CACNA1C: variants seen among roughly 807,000 people sequenced by gnomAD.
CACNA1C encodes the protein calcium voltage-gated channel subunit alpha1 C.
A neutral mutation model predicts 229.0 loss-of-function variants in CACNA1C; 30 were observed. The ratio of observed to expected loss-of-function variants is 0.13; its 90% CI spans 0.10 to 0.18. The LOEUF (loss-of-function observed/expected upper bound fraction) is 0.18. Among genes scored for constraint, CACNA1C ranks in the 10% least tolerant of loss-of-function variants. The pLI, the probability that CACNA1C is intolerant of heterozygous loss-of-function variation, is 1.00. For synonymous variants in CACNA1C, 1,114 were observed against 1,132.5 expected (o/e 0.98, Z 0.33); for missense variants, 1,658 against 2,845.0 (o/e 0.58, Z 9.49).
intron 3 of CACNA1C, among the ~76,000 whole-genome samples, chr12:2,442,586 C>T (rs772270558): frequency 4.6e-5 from 7 of 152,180 alleles, no homozygotes; most frequent in African/African-American, 7.2e-5. Flanking sequence ...GAATCCCTTC[C>T]AGCCTGTATT....
At chr12:2,528,843 A>C (rs536821217) in intron 9 of CACNA1C, among the ~76,000 whole-genome samples, 30 of 152,304 alleles carry the variant, frequency 2.0e-4, no homozygotes, top group African/African-American at 7.2e-4. Flanking sequence ...CTGGGATTCA[A>C]GTTCACAAAA....
At chr12:2,574,956 G>A (rs2057847793) in intron 13 of CACNA1C, among the ~76,000 whole-genome samples, 1 of 152,186 alleles carries the variant, frequency 6.6e-6, no homozygotes, top group African/African-American at 2.4e-5. Context: ...TGCAGGTGAG[G>A]ATGACTCCCT....
intron 3 of CACNA1C, among the ~76,000 whole-genome samples, chr12:2,173,229 G>T (rs1313766293): frequency 6.6e-6 from 1 of 152,208 alleles, no homozygotes; most frequent in Non-Finnish European, 1.5e-5. Flanking sequence ...TTAGGAAAGG[G>T]TTGTGGGTCA....
At chr12:2,375,199 A>G (rs1033944739) in intron 3 of CACNA1C, among the ~76,000 whole-genome samples, 1 of 152,162 alleles carries the variant, frequency 6.6e-6, no homozygotes, top group Non-Finnish European at 1.5e-5. Context: ...GCATGTGCTG[A>G]GCGGCTGCCA....
chr12:2,565,456 A>G (rs1246464070), intron 11 of CACNA1C, among the ~76,000 whole-genome samples: 1 of 144,022 alleles, frequency 6.9e-6, no homozygotes, highest in Admixed American at 7.0e-5. Flanking sequence ...CCTGGGCGAC[A>G]GAGCGAGACT....
chr12:2,442,410 G>A (rs2099237772), intron 3 of CACNA1C, among the ~76,000 whole-genome samples: 1 of 152,120 alleles, frequency 6.6e-6, no homozygotes. Flanking sequence ...GGAAGAAAGG[G>A]AGAAGAAGAT....
Position 2,046,753 on chromosome 12 carries a change from C to T in CACNA1C, c.140-68471C>T, listed in dbSNP as rs953872965. Among the ~76,000 whole-genome samples, 13 of 152,188 alleles carry T rather than the reference C, an allele frequency of 8.5e-5. No homozygotes were observed. In the East Asian group the frequency reaches 1.4e-3, roughly 16 times the overall value. On this transcript the variant is annotated intron_variant, in intron 1 of 46. Coordinates refer to the CACNA1C transcript ENST00000682462. Reference sequence around the variant, plus strand: ...TACTCTGGCTTCCCCTTGGGACGGACGCTGGGGCTGAGCTGCCAGGAGAGT... The same window carrying T: ...TACTCTGGCTTCCCCTTGGGACGGATGCTGGGGCTGAGCTGCCAGGAGAGT...
chr12:2,574,319 T>C (rs988326438), intron 13 of CACNA1C, among the ~76,000 whole-genome samples: 2 of 152,198 alleles, frequency 1.3e-5, no homozygotes, highest in Non-Finnish European at 2.9e-5. Flanking sequence ...TTTCTACTCT[T>C]TGTCAGCCCA....
At chr12:2,224,308 G>A (rs1394550468) in intron 3 of CACNA1C, among the ~76,000 whole-genome samples, 3 of 152,208 alleles carry the variant, frequency 2.0e-5, no homozygotes, top group South Asian at 4.1e-4. Flanking sequence ...CACCGTCTCC[G>A]ATATGCAAAC....
intron 3 of CACNA1C, among the ~76,000 whole-genome samples, chr12:2,432,633 T>C (rs78992368): frequency 0.049 from 7,503 of 152,266 alleles, 259 homozygotes; most frequent in Non-Finnish European, 0.078. Context: ...GGTGCAATCA[T>C]CTGTTCTGGA....
chr12:2,301,104 C>G (rs1170527820), intron 3 of CACNA1C, among the ~76,000 whole-genome samples: 1 of 152,198 alleles, frequency 6.6e-6, no homozygotes, highest in African/African-American at 2.4e-5. Flanking sequence ...AGGGCGGCAT[C>G]TGCCCAGGAA....
chr12:2,006,917 A>G (rs2043571254), intron 1 of CACNA1C, among the ~76,000 whole-genome samples: 1 of 152,258 alleles, frequency 6.6e-6, no homozygotes, highest in Non-Finnish European at 1.5e-5. Context: ...TTCATGACCA[A>G]CTAATGGATT....
At chr12:2,100,476 A>C (rs535808093) in intron 1 of CACNA1C, among the ~76,000 whole-genome samples, 51 of 69,190 alleles carry the variant, frequency 7.4e-4, no homozygotes, top group South Asian at 1.8e-3. Flanking sequence ...CAAAAAAAAA[A>C]AAACAAAAAA....
intron 9 of CACNA1C, among the ~76,000 whole-genome samples, chr12:2,521,761 C>T (rs570558018): frequency 1.3e-5 from 2 of 152,172 alleles, no homozygotes; most frequent in East Asian, 1.9e-4. Context: ...CACCTCTCTC[C>T]GCCTGGACTC....
chr12:2,015,915 A>G (rs2045284976), intron 1 of CACNA1C, among the ~76,000 whole-genome samples: 1 of 152,254 alleles, frequency 6.6e-6, no homozygotes, highest in Non-Finnish European at 1.5e-5. Flanking sequence ...ACAAGAAAAT[A>G]CAAATAAAGT....
intron 3 of CACNA1C, among the ~76,000 whole-genome samples, chr12:2,370,194 A>T (rs1429537244): frequency 6.6e-6 from 1 of 152,244 alleles, no homozygotes; most frequent in African/African-American, 2.4e-5. Context: ...AAAGTAACAC[A>T]GATTAAAAAA....
intron 1 of CACNA1C, 65 bp from the exon 2 acceptor site, chr12:2,115,159 A>C: frequency 8.0e-7 from 1 of 1,248,660 alleles, no homozygotes. Flanking sequence ...TGGGGTCCAG[A>C]GAGTGTCGGA....
intron 29 of CACNA1C, among the ~76,000 whole-genome samples, chr12:2,617,907 C>A (rs1292188229): frequency 1.3e-5 from 2 of 152,256 alleles, no homozygotes; most frequent in Non-Finnish European, 2.9e-5. Context: ...TCTGTCAGCT[C>A]TGTCCATGTC....
At position 2,273,270 on chromosome 12, in the gene CACNA1C, G is replaced by A. The variant is rs1399341677; in HGVS notation, c.477+152840G>A. ...GTGCTATATAAATAGTTCTTATGAT[G>A]TACTGTTTTCATTTACTGGTATGAT... On this transcript the variant is annotated intron_variant, in intron 3 of 46. Transcript: ENST00000399655. 1.1e-4 allele frequency among the ~76,000 whole-genome samples: 16 copies of A among 152,230 alleles called. 1 individual carries two copies. The highest frequency in any genetic ancestry group is 7.8e-4 in the Admixed American group (12 of 15,296).
Sources: gnomAD v4.1 joint callset for allele counts (sites outside exome capture counted in the v4.1 genomes callset) on GRCh38, gnomAD v4.1.1 for gene constraint, MANE v1.5 for transcripts, NCBI Gene and HGNC (gene_info 2026-07-23, HGNC 2026-07-21) for gene names.